ANXA8: variants seen among roughly 807,000 people sequenced by gnomAD.
ANXA8 encodes the protein annexin A8.
Under a neutral mutation model 26.8 loss-of-function variants are expected in ANXA8, and 9 were observed. That is an observed-to-expected ratio of 0.34 (90% CI 0.20 to 0.59). The LOEUF (loss-of-function observed/expected upper bound fraction) is 0.59. Ranked by LOEUF, ANXA8 falls within the 20% of genes least tolerant of loss-of-function variation. The pLI is 0.84. For synonymous variants in ANXA8, 39 were observed against 94.8 expected (o/e 0.41, Z 3.42); for missense variants, 83 against 238.5 (o/e 0.35, Z 4.29).
At chr10:47,960,610 G>A in the ANXA8 span, among the ~76,000 whole-genome samples, 2 of 149,698 alleles carry the variant, frequency 1.3e-5, 1 homozygote, top group Non-Finnish European at 2.9e-5. Flanking sequence ...GAAGTGAACA[G>A]ACATATACAA....
At chr10:47,686,044 T>C in the ANXA8 span, among the ~76,000 whole-genome samples, 2 of 150,858 alleles carry the variant, frequency 1.3e-5, no homozygotes, top group Non-Finnish European at 2.9e-5. Context: ...GGGGACTTTA[T>C]TATATGACTT....
chr10:47,580,988 A>G, the ANXA8 span, among the ~76,000 whole-genome samples: 2 of 150,230 alleles, frequency 1.3e-5, no homozygotes, highest in African/African-American at 2.5e-5. Context: ...AGCCAGGATA[A>G]TCTCTTGAAT....
chr10:47,620,588 TTTGA>T, the ANXA8 span, among the ~76,000 whole-genome samples: 1 of 101,284 alleles, frequency 9.9e-6, no homozygotes, highest in Non-Finnish European at 2.1e-5. Context: ...TATTTACTGA[TTTGA>T]TTAACTGAAG....
the ANXA8 span, chr10:47,986,397 C>T: frequency 3.4e-5 from 7 of 205,462 alleles, no homozygotes; most frequent in Non-Finnish European, 1.0e-5. Context: ...AATCAAGTCA[C>T]TTTTTTATGT....
chr10:47,769,725 T>G, the ANXA8 span, among the ~76,000 whole-genome samples: 1 of 152,428 alleles, frequency 6.6e-6, no homozygotes, highest in East Asian at 1.9e-4. Context: ...AGGCTGTTCT[T>G]TGGTTACCTT....
the ANXA8 span, among the ~76,000 whole-genome samples, chr10:47,492,684 C>T: frequency 2.9e-5 from 4 of 137,918 alleles, no homozygotes; most frequent in Admixed American, 7.1e-5. Flanking sequence ...CTGGTAAACA[C>T]CTGTTCCCTC....
chr10:47,733,279 CTTTCTTTCT>C, the ANXA8 span, among the ~76,000 whole-genome samples: 3 of 89,684 alleles, frequency 3.3e-5, no homozygotes, highest in African/African-American at 1.5e-4. Context: ...TTCTTTCTTT[CTTTCTTTCT>C]TTCTTTCTTT....
chr10:47,743,309 TATAC>T, the ANXA8 span, among the ~76,000 whole-genome samples: 58 of 30,696 alleles, frequency 1.9e-3, 1 homozygote, highest in South Asian at 7.1e-3. Context: ...TATATATATA[TATAC>T]ACATATATAT....
the ANXA8 span, among the ~76,000 whole-genome samples, chr10:47,667,337 C>G: frequency 6.6e-6 from 1 of 151,926 alleles, no homozygotes; most frequent in African/African-American, 2.4e-5. Context: ...GTTGAAAGTA[C>G]AAAATCATTC....
the ANXA8 span, among the ~76,000 whole-genome samples, chr10:47,593,950 A>C: frequency 6.9e-6 from 1 of 144,198 alleles, no homozygotes; most frequent in East Asian, 2.0e-4. Flanking sequence ...GCAGAAGAGC[A>C]GACTTGCTGA....
the ANXA8 span, among the ~76,000 whole-genome samples, chr10:47,617,846 G>A: frequency 2.1e-5 from 3 of 141,844 alleles, no homozygotes; most frequent in Non-Finnish European, 4.6e-5. Flanking sequence ...ATCGGCAATT[G>A]GACACTGAGA....
At chr10:47,881,834 T>TGTGG in the ANXA8 span, among the ~76,000 whole-genome samples, 13 of 147,316 alleles carry the variant, frequency 8.8e-5, no homozygotes, top group African/African-American at 3.0e-4. Context: ...TTTGTGTGTG[T>TGTGG]GTGGATATTT....
intron 11 of ANXA8, among the ~76,000 whole-genome samples, chr10:47,470,028 G>C (rs1296581965): frequency 2.0e-5 from 3 of 151,580 alleles, no homozygotes; most frequent in Non-Finnish European, 4.4e-5. Flanking sequence ...ACGGGTGTGG[G>C]CCACTACGCC....
At chr10:47,572,889 T>C in the ANXA8 span, among the ~76,000 whole-genome samples, 8 of 151,804 alleles carry the variant, frequency 5.3e-5, no homozygotes, top group East Asian at 1.5e-3. Context: ...GTTTAACATG[T>C]ATAGACTGTT....
chr10:47,951,653 T>C, the ANXA8 span, among the ~76,000 whole-genome samples: 1 of 149,860 alleles, frequency 6.7e-6, no homozygotes, highest in Non-Finnish European at 1.5e-5. Flanking sequence ...CTACTAAAAA[T>C]ACAAAAAATT....
At chr10:47,697,350 A>T in the ANXA8 span, among the ~76,000 whole-genome samples, 1 of 152,154 alleles carries the variant, frequency 6.6e-6, no homozygotes, top group African/African-American at 2.4e-5. Flanking sequence ...TTGAACCTGC[A>T]CATAATGTAG....
At chr10:47,739,883 A>G in the ANXA8 span, among the ~76,000 whole-genome samples, 3 of 145,088 alleles carry the variant, frequency 2.1e-5, no homozygotes, top group Non-Finnish European at 4.5e-5. Context: ...GCTTGAGGCC[A>G]GGAATTGGAG....
the ANXA8 span, among the ~76,000 whole-genome samples, chr10:47,647,174 T>C: frequency 8.5e-5 from 13 of 152,368 alleles, no homozygotes; most frequent in African/African-American, 2.9e-4. Flanking sequence ...AACTGCAATA[T>C]AAAAGTTACA....
chr10:47,582,738 TC>T, the ANXA8 span, among the ~76,000 whole-genome samples: 1 of 101,930 alleles, frequency 9.8e-6, no homozygotes, highest in Non-Finnish European at 1.8e-5. Context: ...ACATCTAATT[TC>T]AAGAAGGGAC....
Sources: gnomAD v4.1 joint callset for allele counts (sites outside exome capture counted in the v4.1 genomes callset) on GRCh38, gnomAD v4.1.1 for gene constraint, MANE v1.5 for transcripts, NCBI Gene and HGNC (gene_info 2026-07-23, HGNC 2026-07-21) for gene names.